The following ADGRB3 variants were observed in gnomAD, a reference collection of about 807,000 sequenced individuals.
ADGRB3 encodes adhesion G protein-coupled receptor B3.
ADGRB3 carries 37 observed loss-of-function variants against 193.4 expected under a neutral mutation model. That is an observed-to-expected ratio of 0.19 (90% confidence interval 0.15 to 0.25). The LOEUF is 0.25. Ranked by LOEUF, ADGRB3 falls within the 10% of genes least tolerant of loss-of-function variation. The pLI is 1.00. For missense variants in ADGRB3, 1,637 were observed against 1,852.9 expected (o/e 0.88, Z 2.14); for synonymous variants, 690 against 644.2 (o/e 1.07, Z -1.08).
chr6:69,333,916 CGA>C (rs1181414740), intron 24 of ADGRB3, among the ~76,000 whole-genome samples: 2 of 143,052 alleles, frequency 1.4e-5, no homozygotes, highest in South Asian at 4.3e-4. Context: ...GGCGACAGAG[CGA>C]GACTCTGTCT....
At chr6:68,819,832 C>T (rs1275880353) in intron 3 of ADGRB3, among the ~76,000 whole-genome samples, 2 of 151,918 alleles carry the variant, frequency 1.3e-5, no homozygotes, top group South Asian at 2.1e-4. Context: ...TTTTGCTGTT[C>T]GTCTGCTTTG....
chr6:68,843,860 A>G (rs1174977285), intron 3 of ADGRB3, among the ~76,000 whole-genome samples: 1 of 152,180 alleles, frequency 6.6e-6, no homozygotes, highest in Non-Finnish European at 1.5e-5. Flanking sequence ...CAACTCAGAA[A>G]CAAATCCATA....
At chr6:69,246,792 G>T (rs1458395240) in intron 20 of ADGRB3, among the ~76,000 whole-genome samples, 3 of 152,202 alleles carry the variant, frequency 2.0e-5, no homozygotes, top group African/African-American at 7.2e-5. Context: ...TGGACATTCA[G>T]TGAGTATTCT....
intron 17 of ADGRB3, among the ~76,000 whole-genome samples, chr6:69,155,927 A>C (rs918493148): frequency 1.6e-4 from 25 of 152,192 alleles, no homozygotes; most frequent in Non-Finnish European, 3.2e-4. Context: ...ATACAGCAAT[A>C]TGACTGTGTC....
intron 3 of ADGRB3, among the ~76,000 whole-genome samples, chr6:68,743,393 T>C (rs543282169): frequency 3.6e-4 from 54 of 152,092 alleles, no homozygotes; most frequent in African/African-American, 1.3e-3. Context: ...TAGTGGTAGA[T>C]TTGAAAATGT....
chr6:68,720,774 C>T (rs989885048), intron 3 of ADGRB3, among the ~76,000 whole-genome samples: 3 of 151,762 alleles, frequency 2.0e-5, no homozygotes, highest in African/African-American at 4.8e-5. Context: ...GGGAAACACT[C>T]GCCTGACTTC....
At chr6:69,255,154 G>A (rs1766729038) in intron 20 of ADGRB3, among the ~76,000 whole-genome samples, 2 of 151,986 alleles carry the variant, frequency 1.3e-5, no homozygotes, top group African/African-American at 4.8e-5. Flanking sequence ...TGTGAATAGT[G>A]CCACAATAAA....
At chr6:69,244,322 T>C (rs896313313) in intron 20 of ADGRB3, among the ~76,000 whole-genome samples, 6 of 152,054 alleles carry the variant, frequency 3.9e-5, no homozygotes, top group Admixed American at 1.3e-4. Flanking sequence ...GCCAAACTAG[T>C]AGGTTATAGT....
At chr6:68,899,555 T>C (rs1766335010) in intron 3 of ADGRB3, among the ~76,000 whole-genome samples, 1 of 151,324 alleles carries the variant, frequency 6.6e-6, no homozygotes, top group South Asian at 2.1e-4. Context: ...GGTTTTTTGT[T>C]CTTGTGATAG....
intron 15 of ADGRB3, among the ~76,000 whole-genome samples, chr6:69,056,659 A>G (rs1471335608): frequency 6.6e-6 from 1 of 152,146 alleles, no homozygotes; most frequent in Non-Finnish European, 1.5e-5. Flanking sequence ...GTGTAGGCAC[A>G]TGGATATCCA....
chr6:68,661,482 CAT>C (rs200253656), intron 3 of ADGRB3, among the ~76,000 whole-genome samples: 920 of 62,318 alleles, frequency 0.015, 94 homozygotes, highest in South Asian at 0.044. Flanking sequence ...TATGTGTATA[CAT>C]ATATATATGT....
intron 26 of ADGRB3, among the ~76,000 whole-genome samples, chr6:69,350,008 T>C (rs987954576): frequency 6.6e-6 from 1 of 152,170 alleles, no homozygotes; most frequent in Non-Finnish European, 1.5e-5. Flanking sequence ...CCAGCTGCCT[T>C]CAGAGCGAAG....
chr6:68,842,939 G>A (rs139048054), intron 3 of ADGRB3, among the ~76,000 whole-genome samples: 26 of 151,670 alleles, frequency 1.7e-4, no homozygotes, highest in African/African-American at 5.6e-4. Flanking sequence ...CATTTCAATC[G>A]ATGCTGAAAA....
At chr6:68,737,897 T>G (rs1200007863) in intron 3 of ADGRB3, among the ~76,000 whole-genome samples, 1 of 152,062 alleles carries the variant, frequency 6.6e-6, no homozygotes, top group Non-Finnish European at 1.5e-5. Flanking sequence ...GAGTTCAGGG[T>G]TTAGTGGGTG....
intron 15 of ADGRB3, among the ~76,000 whole-genome samples, chr6:69,060,754 C>T (rs1295938085): frequency 1.3e-5 from 2 of 152,000 alleles, no homozygotes; most frequent in African/African-American, 4.8e-5. Flanking sequence ...AAGGAACTTA[C>T]ATCTGTCTGT....
chr6:69,098,109 A>G (rs1772936500), intron 17 of ADGRB3, among the ~76,000 whole-genome samples: 1 of 152,152 alleles, frequency 6.6e-6, no homozygotes, highest in African/African-American at 2.4e-5. Flanking sequence ...CATAAAACCA[A>G]TTAAAATAGT....
In ADGRB3 at chr6:69,361,161, A is replaced by AT. The variant is rs1487097353; in HGVS notation, c.3888_3889insT (p.Val1297CysfsTer11). On this transcript the variant is annotated frameshift_variant, in exon 29 of 32. Coordinates refer to ENST00000370598, the MANE Select transcript of ADGRB3 (RefSeq NM_001704.3). LOFTEE classifies it high-confidence loss of function. ...ATTTGAGAGGGGCTGACATGGACATAGTCCATCCTCAAGAAAGAATGATGG... is the reference window on the plus strand; with the variant it reads ...ATTTGAGAGGGGCTGACATGGACATATGTCCATCCTCAAGAAAGAATGATGG... 6.2e-7 allele frequency: 1 copy of AT among 1,612,750 alleles called. No individual in the cohort carries two copies. Among genetic ancestry groups the AT allele is most frequent in the Non-Finnish European group, 8.5e-7 (1 of 1,179,204 alleles).
intron 10 of ADGRB3, among the ~76,000 whole-genome samples, chr6:68,989,691 G>T (rs1411532681): frequency 6.6e-6 from 1 of 152,076 alleles, no homozygotes; most frequent in Non-Finnish European, 1.5e-5. Flanking sequence ...TTTGTAATAA[G>T]TAGTAGAACC....
At chr6:68,982,434 G>T (rs1582369976) in intron 10 of ADGRB3, among the ~76,000 whole-genome samples, 2 of 152,150 alleles carry the variant, frequency 1.3e-5, no homozygotes, top group East Asian at 3.9e-4. Flanking sequence ...ATCTGCTTAG[G>T]CTGCCTTTCT....
Sources: allele counts gnomAD v4.1 joint callset (sites outside exome capture counted in the v4.1 genomes callset), GRCh38; gene constraint gnomAD v4.1.1; transcripts MANE v1.5; gene names NCBI Gene and HGNC (gene_info 2026-07-23, HGNC 2026-07-21).